The following KCNAB1 variants were observed in gnomAD, a reference collection of about 807,000 sequenced individuals.
KCNAB1 encodes voltage-gated potassium channel subunit beta-1.
KCNAB1 carries 35 observed loss-of-function variants against 64.6 expected under a neutral mutation model. The ratio of observed to expected loss-of-function variants is 0.54; its 90% CI spans 0.41 to 0.72. The LOEUF is 0.72. KCNAB1 is among the 30% of genes least tolerant of loss of function. The pLI is 0.00. For missense variants in KCNAB1, 401 were observed against 512.9 expected (o/e 0.78, Z 2.11); for synonymous variants, 177 against 183.8 (o/e 0.96, Z 0.30).
chr3:156,267,747 A>G lies in KCNAB1; in HGVS notation c.275+146861A>G, dbSNP rs370577617. Among the ~76,000 whole-genome samples, 12 of 152,012 alleles carry G rather than the reference A, an allele frequency of 7.9e-5. No individual in the cohort carries two copies. The East Asian group carries it at 2.3e-3, about 29-fold the overall frequency. On this transcript the variant is annotated intron_variant, in intron 1 of 13. Transcript: ENST00000490337. ...TGCCCAGATGTTTTCTTTGCTTTTT[A>G]ATTTTTTTAAAAAAATTTTATGGGT...
intron 8 of KCNAB1, among the ~76,000 whole-genome samples, chr3:156,497,440 T>C (rs2108360865): frequency 6.6e-6 from 1 of 152,370 alleles, no homozygotes; most frequent in South Asian, 2.1e-4. Flanking sequence ...ATTCTTGCTT[T>C]ATTCCTTCAT....
chr3:156,415,716 C>G (rs1715011818), intron 1 of KCNAB1, among the ~76,000 whole-genome samples: 1 of 152,194 alleles, frequency 6.6e-6, no homozygotes, highest in Non-Finnish European at 1.5e-5. Flanking sequence ...GCCGATGCAG[C>G]TTCCTCTCCA....
At chr3:156,427,718 G>A (rs959448729) in intron 2 of KCNAB1, among the ~76,000 whole-genome samples, 3 of 152,178 alleles carry the variant, frequency 2.0e-5, no homozygotes, top group African/African-American at 7.2e-5. Flanking sequence ...GATAGAGAGA[G>A]GCCCAGCATC....
intron 1 of KCNAB1, among the ~76,000 whole-genome samples, chr3:156,183,134 G>A (rs1712976630): frequency 6.6e-6 from 1 of 152,152 alleles, no homozygotes; most frequent in African/African-American, 2.4e-5. Flanking sequence ...TCTGGGAAGA[G>A]TATACAGAGT....
chr3:156,307,932 A>G (rs1047492221), intron 1 of KCNAB1, among the ~76,000 whole-genome samples: 1 of 152,196 alleles, frequency 6.6e-6, no homozygotes, highest in African/African-American at 2.4e-5. Context: ...TGTGCCAGGC[A>G]CTGTTCCGGG....
intron 2 of KCNAB1, among the ~76,000 whole-genome samples, chr3:156,443,598 C>T (rs1250475602): frequency 6.6e-6 from 1 of 152,054 alleles, no homozygotes; most frequent in Admixed American, 6.6e-5. Flanking sequence ...CACCTAGCAC[C>T]GAAGGAGCTA....
At chr3:156,469,539 T>C (rs927056723) in intron 7 of KCNAB1, among the ~76,000 whole-genome samples, 2 of 152,128 alleles carry the variant, frequency 1.3e-5, no homozygotes, top group African/African-American at 4.8e-5. Context: ...TCATATGACA[T>C]AATAGAAATA....
At position 156,459,860 on chromosome 3, in the gene KCNAB1, GA is replaced by G. The variant is rs1258384606; in HGVS notation, c.474del (p.Gly159AlafsTer9). The G allele has an allele frequency of 6.2e-7, 1 of 1,609,640 alleles. No individual in the cohort carries two copies. The highest frequency in any genetic ancestry group is 8.5e-7 in the Non-Finnish European group (1 of 1,176,334). On this transcript the variant is annotated frameshift_variant, in exon 5 of 14. Coordinates refer to ENST00000490337, the MANE Select transcript of KCNAB1 (RefSeq NM_172160.3). LOFTEE classifies it high-confidence loss of function. ...TGATTCTGGGGAGCATCATCAAGAA[GA>G]AAGGCTGGAGGTATTGCATTCGCCA... The part of the protein sequence containing the change: ...EVILGSIIKK[K>X]GWRRSSLVIT...
rs1465757284 is a variant in KCNAB1, at chr3:156,364,585, C to T, written c.276-57031C>T. 1.3e-4 allele frequency among the ~76,000 whole-genome samples: 20 copies of T among 152,206 alleles called. No homozygotes were observed. In the South Asian group the frequency reaches 4.1e-3, roughly 32 times the overall value. On this transcript the variant is annotated intron_variant, in intron 1 of 13. Transcript: ENST00000490337. ...CCTAAGGTCGGGAGTTCGAGACCAC[C>T]CTAACCAACATGGAGAAACCCTGTC...
intron 1 of KCNAB1, among the ~76,000 whole-genome samples, chr3:156,302,634 T>C (rs2107990377): frequency 6.6e-6 from 1 of 152,294 alleles, no homozygotes; most frequent in East Asian, 1.9e-4. Context: ...TGTGGTAAAG[T>C]TTAAAGTTTT....
intron 1 of KCNAB1, among the ~76,000 whole-genome samples, chr3:156,319,230 T>TA (rs756149687): frequency 2.0e-5 from 3 of 152,156 alleles, no homozygotes; most frequent in Non-Finnish European, 4.4e-5. Context: ...TTTTGTCAGT[T>TA]AGAGTAGTCC....
intron 1 of KCNAB1, among the ~76,000 whole-genome samples, chr3:156,307,190 A>C (rs1330608156): frequency 6.6e-6 from 1 of 152,190 alleles, no homozygotes; most frequent in African/African-American, 2.4e-5. Flanking sequence ...GCATCATTTC[A>C]AGATAGAAAC....
At chr3:156,265,266 G>A (rs1318851668) in intron 1 of KCNAB1, among the ~76,000 whole-genome samples, 1 of 152,106 alleles carries the variant, frequency 6.6e-6, no homozygotes, top group African/African-American at 2.4e-5. Flanking sequence ...ATAATTTTTA[G>A]GGGTTTTATC....
intron 8 of KCNAB1, among the ~76,000 whole-genome samples, chr3:156,495,466 T>G (rs1391644206): frequency 6.6e-6 from 1 of 152,180 alleles, no homozygotes; most frequent in Non-Finnish European, 1.5e-5. Context: ...AAAGCAAAGA[T>G]GTTGAATCAA....
At chr3:156,320,897 G>A (rs540414036) in intron 1 of KCNAB1, among the ~76,000 whole-genome samples, 23 of 149,392 alleles carry the variant, frequency 1.5e-4, no homozygotes, top group African/African-American at 4.9e-4. Context: ...CAGCACAAGT[G>A]CTTGCTTGTC....
intron 1 of KCNAB1, among the ~76,000 whole-genome samples, chr3:156,311,860 G>A (rs1299905135): frequency 1.3e-5 from 2 of 152,178 alleles, no homozygotes; most frequent in Non-Finnish European, 2.9e-5. Context: ...ATAGTGCAGT[G>A]TGCACTTAAG....
intron 1 of KCNAB1, among the ~76,000 whole-genome samples, chr3:156,419,403 A>G (rs1331984809): frequency 6.6e-6 from 1 of 151,168 alleles, no homozygotes; most frequent in Non-Finnish European, 1.5e-5. Context: ...CGGGAGGCTG[A>G]GGCAGGAGAG....
intron 2 of KCNAB1, among the ~76,000 whole-genome samples, chr3:156,442,984 T>TA (rs1284323936): frequency 6.6e-6 from 1 of 152,034 alleles, no homozygotes; most frequent in African/African-American, 2.4e-5. Flanking sequence ...AAGGCAAACA[T>TA]ATGGAGTTCT....
chr3:156,526,654 C>T (rs1010616345), intron 12 of KCNAB1, among the ~76,000 whole-genome samples: 1 of 152,176 alleles, frequency 6.6e-6, no homozygotes, highest in African/African-American at 2.4e-5. Context: ...TTGTCAGGTT[C>T]TATAGTAAGC....
Sources: gnomAD v4.1 joint callset for allele counts (sites outside exome capture counted in the v4.1 genomes callset) on GRCh38, gnomAD v4.1.1 for gene constraint, MANE v1.5 for transcripts, NCBI Gene and HGNC (gene_info 2026-07-23, HGNC 2026-07-21) for gene names.